SGCZ: variants seen among roughly 807,000 people sequenced by gnomAD.
The protein encoded by SGCZ is sarcoglycan zeta, also known as zeta-sarcoglycan.
A neutral mutation model predicts 41.3 loss-of-function variants in SGCZ; 40 were observed. The ratio of observed to expected loss-of-function variants is 0.97; its 90% CI spans 0.75 to 1.26. SGCZ has a LOEUF of 1.26. SGCZ is among the 50% of genes most tolerant of loss of function. The pLI is 0.00. For synonymous variants in SGCZ, 206 were observed against 137.5 expected (o/e 1.50, Z -3.49); for missense variants, 552 against 369.8 (o/e 1.49, Z -4.04).
intron 1 of SGCZ, among the ~76,000 whole-genome samples, chr8:15,095,303 T>C (rs1170380625): frequency 6.6e-6 from 1 of 152,154 alleles, no homozygotes; most frequent in Non-Finnish European, 1.5e-5. Flanking sequence ...TTCACCATGT[T>C]ACCCAAGCTG....
chr8:15,108,097 C>G (rs1191080019), intron 1 of SGCZ, among the ~76,000 whole-genome samples: 1 of 152,120 alleles, frequency 6.6e-6, no homozygotes, highest in Non-Finnish European at 1.5e-5. Flanking sequence ...TTTATGAATT[C>G]TACTACTTTC....
At chr8:14,201,006 G>T (rs1401718778) in intron 4 of SGCZ, among the ~76,000 whole-genome samples, 1 of 152,014 alleles carries the variant, frequency 6.6e-6, no homozygotes, top group African/African-American at 2.4e-5. Flanking sequence ...TTAAAAGAAG[G>T]TATGCAGATG....
At chr8:14,817,264 G>T (rs1389108576) in intron 1 of SGCZ, among the ~76,000 whole-genome samples, 2 of 152,120 alleles carry the variant, frequency 1.3e-5, no homozygotes, top group Non-Finnish European at 2.9e-5. Context: ...AACAGGATCA[G>T]CTCAGCATCA....
chr8:15,053,628 C>T (rs1023929771), intron 1 of SGCZ, among the ~76,000 whole-genome samples: 7 of 151,834 alleles, frequency 4.6e-5, no homozygotes, highest in African/African-American at 1.2e-4. Context: ...AAAAGAAAGT[C>T]GGAGGTGATA....
intron 1 of SGCZ, among the ~76,000 whole-genome samples, chr8:14,847,121 A>C (rs1477044173): frequency 2.5e-5 from 3 of 121,088 alleles, no homozygotes; most frequent in African/African-American, 9.5e-5. Context: ...AAGAAGAAGA[A>C]GAAGAAAGAA....
chr8:14,867,736 G>C (rs1803985889), intron 1 of SGCZ, among the ~76,000 whole-genome samples: 1 of 152,004 alleles, frequency 6.6e-6, no homozygotes, highest in Non-Finnish European at 1.5e-5. Flanking sequence ...ATGGACCGAG[G>C]GGAACAACAC....
At chr8:14,297,075 G>A (rs1426016447) in intron 3 of SGCZ, among the ~76,000 whole-genome samples, 1 of 151,866 alleles carries the variant, frequency 6.6e-6, no homozygotes, top group Admixed American at 6.6e-5. Context: ...ACGCACACCA[G>A]CATGCCCAGC....
chr8:14,674,207 T>C (rs1808199973), intron 1 of SGCZ, among the ~76,000 whole-genome samples: 1 of 150,970 alleles, frequency 6.6e-6, no homozygotes, highest in African/African-American at 2.4e-5. Flanking sequence ...CTTTTTCTTG[T>C]TTTTTTTTCT....
intron 1 of SGCZ, among the ~76,000 whole-genome samples, chr8:14,885,894 A>G (rs1480288112): frequency 2.0e-5 from 3 of 150,354 alleles, no homozygotes; most frequent in Non-Finnish European, 1.5e-5. Context: ...AAGAAGCAGA[A>G]TAAAATTCAC....
chr8:15,120,306 CA>C (rs1807431948), intron 1 of SGCZ, among the ~76,000 whole-genome samples: 1 of 152,168 alleles, frequency 6.6e-6, no homozygotes, highest in South Asian at 2.1e-4. Flanking sequence ...TTCATGTAAT[CA>C]TAATTGATCT....
At position 14,552,759 on chromosome 8, in the gene SGCZ, T is replaced by C. The variant is rs542596687; in HGVS notation, c.234+1973A>G. Among the ~76,000 whole-genome samples the C allele has an allele frequency of 3.9e-5, 6 of 152,098 alleles. No homozygotes were observed. The East Asian group carries it at 7.8e-4, about 20-fold the overall frequency. On this transcript the variant is annotated intron_variant, in intron 2 of 7. Transcript: ENST00000382080. ...CTTGGTGTCAGCATGGGGCAAAGTA[T>C]TGGGAGTCTGATGCATGTAGCCATG... is the stretch of plus-strand genomic sequence containing the variant.
chr8:14,402,114 T>C (rs1418666362), intron 2 of SGCZ, among the ~76,000 whole-genome samples: 2 of 152,266 alleles, frequency 1.3e-5, no homozygotes, highest in African/African-American at 4.8e-5. Context: ...TCATGTCCTT[T>C]GCCCACTTTT....
intron 4 of SGCZ, among the ~76,000 whole-genome samples, chr8:14,215,572 T>C (rs1177887540): frequency 6.6e-6 from 1 of 151,564 alleles, no homozygotes; most frequent in Admixed American, 6.6e-5. Flanking sequence ...AGCTAATTGT[T>C]TGAAAAAAAT....
intron 5 of SGCZ, among the ~76,000 whole-genome samples, chr8:14,157,275 A>T (rs959217228): frequency 1.3e-5 from 2 of 148,714 alleles, no homozygotes; most frequent in East Asian, 1.9e-4. Flanking sequence ...TATATATATA[A>T]AATGTATATA....
chr8:14,826,639 G>A (rs1802331607), intron 1 of SGCZ, among the ~76,000 whole-genome samples: 1 of 152,156 alleles, frequency 6.6e-6, no homozygotes, highest in Admixed American at 6.5e-5. Context: ...ACTAGTGTGA[G>A]ATGGTATCTC....
At chr8:14,303,967 G>T (rs1464435208) in intron 3 of SGCZ, among the ~76,000 whole-genome samples, 1 of 151,824 alleles carries the variant, frequency 6.6e-6, no homozygotes, top group Non-Finnish European at 1.5e-5. Context: ...GGCCAAGCTG[G>T]CCTCGAACTC....
chr8:14,138,512 CA>C (rs34148689), intron 5 of SGCZ, among the ~76,000 whole-genome samples: 825 of 63,438 alleles, frequency 0.013, 9 homozygotes, highest in Middle Eastern at 0.061. Context: ...AAAGGGAAAA[CA>C]AAAAAAAAAA....
At chr8:14,870,966 G>C (rs985800614) in intron 1 of SGCZ, among the ~76,000 whole-genome samples, 15 of 152,050 alleles carry the variant, frequency 9.9e-5, no homozygotes, top group African/African-American at 3.6e-4. Context: ...TCACCACTTT[G>C]GGAGGCCGAG....
chr8:14,544,090 T>C (rs1173460778), intron 2 of SGCZ, among the ~76,000 whole-genome samples: 2 of 152,122 alleles, frequency 1.3e-5, no homozygotes, highest in African/African-American at 4.8e-5. Context: ...ACACTTGTTG[T>C]GGGAAGTCAG....
Sources: gnomAD v4.1 joint callset for allele counts (sites outside exome capture counted in the v4.1 genomes callset) on GRCh38, gnomAD v4.1.1 for gene constraint, MANE v1.5 for transcripts, NCBI Gene and HGNC (gene_info 2026-07-23, HGNC 2026-07-21) for gene names.